DCDC1: variants seen among roughly 807,000 people sequenced by gnomAD.
DCDC1 encodes doublecortin domain-containing protein 1.
Under a neutral mutation model 178.3 loss-of-function variants are expected in DCDC1, and 200 were observed. That is an observed-to-expected ratio of 1.12 (90% CI 1.00 to 1.26). The LOEUF (loss-of-function observed/expected upper bound fraction) is 1.26, where lower values mean the gene tolerates loss of function less well. Among genes scored for constraint, DCDC1 ranks in the 50% most tolerant of loss-of-function variants. The pLI is 0.00. For synonymous variants in DCDC1, 690 were observed against 604.8 expected (o/e 1.14, Z -2.07); for missense variants, 1,983 against 1,749.2 (o/e 1.13, Z -2.38).
At chr11:31,102,693 G>C (rs560322803) in intron 14 of DCDC1, among the ~76,000 whole-genome samples, 1 of 152,188 alleles carries the variant, frequency 6.6e-6, no homozygotes. Context: ...ATCTGCTGCA[G>C]TGTCCAATAT....
At position 31,077,882 on chromosome 11, in the gene DCDC1, C is replaced by T. The variant is rs774377870; in HGVS notation, c.2281G>A (p.Gly761Ser). 3.9e-6 allele frequency: 3 copies of T among 766,150 alleles called. No homozygotes were observed. In the South Asian group the frequency reaches 4.0e-5, roughly 10 times the overall value. The allele number at this position is 766,150 out of a possible 1,614,324, so 47.5% of individuals were successfully genotyped here. ...GTCCTTACCTTTGAATAAATGCAAC[C>T]ATCAGTTCCAAACACCCACTTCTGA... ...DSQKWVFGTD[G>S]CIYSKAYPQF... The change falls in exon 18 of 39, where the codon GGT (glycine) becomes AGT (serine). Residue 761 changes from glycine (G) to serine (S), a missense_variant. Transcript: ENST00000684477.
At chr11:31,349,638 T>C (rs1950977392) in intron 1 of DCDC1, among the ~76,000 whole-genome samples, 1 of 152,324 alleles carries the variant, frequency 6.6e-6, no homozygotes, top group East Asian at 1.9e-4. Context: ...ATTGTAATTT[T>C]TTTGTTTTTA....
chr11:31,129,461 A>C (rs553326627), intron 10 of DCDC1, among the ~76,000 whole-genome samples: 1 of 152,256 alleles, frequency 6.6e-6, no homozygotes, highest in African/African-American at 2.4e-5. Flanking sequence ...GTAGGCCATA[A>C]GGTATCTGTC....
chr11:31,134,415 G>T (rs1962868017), intron 10 of DCDC1, among the ~76,000 whole-genome samples: 1 of 152,124 alleles, frequency 6.6e-6, no homozygotes, highest in South Asian at 2.1e-4. Flanking sequence ...TCCTCTGATG[G>T]CCAAGTTTGG....
intron 20 of DCDC1, among the ~76,000 whole-genome samples, chr11:30,999,936 C>T (rs182230594): frequency 6.4e-4 from 97 of 152,100 alleles, no homozygotes; most frequent in African/African-American, 2.2e-3. Flanking sequence ...ACTCGTTCTC[C>T]CCTTTAAGAA....
chr11:31,339,909 T>G (rs2133202703), intron 1 of DCDC1, among the ~76,000 whole-genome samples: 1 of 152,276 alleles, frequency 6.6e-6, no homozygotes, highest in East Asian at 1.9e-4. Context: ...AGCCTCCTTT[T>G]TAAATGAAAA....
chr11:31,333,071 T>C (rs1950084459), intron 2 of DCDC1, among the ~76,000 whole-genome samples: 1 of 152,228 alleles, frequency 6.6e-6, no homozygotes, highest in South Asian at 2.1e-4. Context: ...GCTCCTGTAT[T>C]GGGTGCATAT....
At chr11:31,261,975 A>G (rs1393059845) in intron 8 of DCDC1, among the ~76,000 whole-genome samples, 1 of 81,716 alleles carries the variant, frequency 1.2e-5, no homozygotes, top group Non-Finnish European at 2.6e-5. Flanking sequence ...ATTACTGGAG[A>G]AAAAAAAAAG....
intron 11 of DCDC1, among the ~76,000 whole-genome samples, chr11:31,113,953 T>C (rs1293404252): frequency 6.6e-6 from 1 of 152,166 alleles, no homozygotes; most frequent in African/African-American, 2.4e-5. Flanking sequence ...ATTGGCTCTG[T>C]TAATTTCACA....
chr11:31,277,630 T>C (rs189904084), intron 7 of DCDC1, among the ~76,000 whole-genome samples: 12 of 152,262 alleles, frequency 7.9e-5, no homozygotes, highest in African/African-American at 2.9e-4. Context: ...TGTATAGTGG[T>C]AACTCCATGG....
chr11:31,108,656 C>G (rs569666078), intron 12 of DCDC1, among the ~76,000 whole-genome samples: 1 of 152,254 alleles, frequency 6.6e-6, no homozygotes, highest in Admixed American at 6.5e-5. Context: ...ACCACTTAAC[C>G]AAATTCACTT....
chr11:30,927,064 G>A (rs548600730), intron 22 of DCDC1, among the ~76,000 whole-genome samples: 6 of 152,156 alleles, frequency 3.9e-5, no homozygotes, highest in South Asian at 2.1e-4. Flanking sequence ...TTTCCAAACC[G>A]TAACAAAACC....
chr11:30,894,511 A>G (rs1356034031), intron 34 of DCDC1, 127 bp from the exon 35 acceptor site: 1 of 1,309,436 alleles, frequency 7.6e-7, no homozygotes, highest in Non-Finnish European at 1.0e-6. Context: ...TAAATATATC[A>G]TAAAAGCAAA....
intron 21 of DCDC1, among the ~76,000 whole-genome samples, chr11:30,940,960 A>T (rs1182610925): frequency 6.6e-6 from 1 of 152,070 alleles, no homozygotes; most frequent in Non-Finnish European, 1.5e-5. Flanking sequence ...CCTTTTTAAA[A>T]TTTTCATTAT....
At chr11:31,300,736 T>A (rs1204747959) in intron 6 of DCDC1, among the ~76,000 whole-genome samples, 1 of 152,060 alleles carries the variant, frequency 6.6e-6, no homozygotes, top group Non-Finnish European at 1.5e-5. Context: ...ACAAGCAGCA[T>A]AGGCAGACAA....
intron 20 of DCDC1, among the ~76,000 whole-genome samples, chr11:31,008,994 A>G (rs1952012077): frequency 6.6e-6 from 1 of 152,216 alleles, no homozygotes; most frequent in South Asian, 2.1e-4. Flanking sequence ...TGGAAACGTC[A>G]AAAGTAATTA....
At chr11:30,954,104 C>T (rs1054084633) in intron 20 of DCDC1, among the ~76,000 whole-genome samples, 11 of 149,644 alleles carry the variant, frequency 7.4e-5, no homozygotes, top group African/African-American at 2.0e-4. Flanking sequence ...CAAACTCCGC[C>T]TCCCGGGTTC....
chr11:31,191,795 C>T (rs552212553), intron 9 of DCDC1, among the ~76,000 whole-genome samples: 5 of 152,172 alleles, frequency 3.3e-5, no homozygotes, highest in Admixed American at 3.3e-4. Context: ...TGAGAATTCA[C>T]CATATTCATT....
intron 20 of DCDC1, among the ~76,000 whole-genome samples, chr11:30,968,287 G>A (rs887359140): frequency 3.9e-5 from 6 of 152,030 alleles, no homozygotes; most frequent in Non-Finnish European, 5.9e-5. Context: ...TGGTTCCCTA[G>A]GATTCAGAAC....
Sources: allele counts gnomAD v4.1 joint callset (sites outside exome capture counted in the v4.1 genomes callset), GRCh38; gene constraint gnomAD v4.1.1; transcripts MANE v1.5; gene names NCBI Gene and HGNC (gene_info 2026-07-23, HGNC 2026-07-21).